Variants in ARSB observed in about 807,000 individuals in gnomAD.
ARSB encodes arylsulfatase B, also known as N-acetylgalactosamine-4-sulfatase.
Under a neutral mutation model 50.9 loss-of-function variants are expected in ARSB, and 41 were observed. That is an observed-to-expected ratio of 0.81 (90% CI 0.63 to 1.04). The LOEUF is 1.04. ARSB is among the 50% of genes least tolerant of loss of function. The pLI is 0.00. For synonymous variants in ARSB, 269 were observed against 284.8 expected, an observed-to-expected ratio of 0.94 and a Z score of 0.56; for missense variants, 672 against 693.3, an observed-to-expected ratio of 0.97 and a Z score of 0.35.
At chr5:78,830,092 T>C (rs1002976315) in intron 6 of ARSB, among the ~76,000 whole-genome samples, 27 of 152,250 alleles carry the variant, frequency 1.8e-4, no homozygotes, top group African/African-American at 5.8e-4. Context: ...AAAATCAGCA[T>C]AGAACCTTTA....
At chr5:78,891,279 A>G (rs1748279476) in intron 4 of ARSB, among the ~76,000 whole-genome samples, 1 of 152,166 alleles carries the variant, frequency 6.6e-6, no homozygotes, top group Non-Finnish European at 1.5e-5. Context: ...TGCTTAAACT[A>G]TAGGAGCTGG....
At chr5:78,930,006 G>A (rs568807784) in intron 4 of ARSB, among the ~76,000 whole-genome samples, 1 of 152,124 alleles carries the variant, frequency 6.6e-6, no homozygotes, top group East Asian at 1.9e-4. Context: ...GACACCAACC[G>A]GTCAGGCCAC....
intron 4 of ARSB, among the ~76,000 whole-genome samples, chr5:78,911,575 A>G (rs1198524787): frequency 7.8e-5 from 1 of 12,876 alleles, no homozygotes; most frequent in African/African-American, 1.6e-4. Flanking sequence ...CTCCCTCTAA[A>G]AAAAAAAAAA....
chr5:78,822,858 G>A (rs1400705287), intron 6 of ARSB, among the ~76,000 whole-genome samples: 1 of 152,090 alleles, frequency 6.6e-6, no homozygotes, highest in African/African-American at 2.4e-5. Flanking sequence ...GGATGGTCTC[G>A]ATCTCTTGAC....
At chr5:78,823,723 A>C (rs1303820997) in intron 6 of ARSB, among the ~76,000 whole-genome samples, 2 of 152,226 alleles carry the variant, frequency 1.3e-5, no homozygotes, top group Non-Finnish European at 1.5e-5. Context: ...TGAGCTCTAA[A>C]ATCTTCATGT....
At chr5:78,782,701 A>G (rs1001677773) in intron 6 of ARSB, among the ~76,000 whole-genome samples, 3 of 152,262 alleles carry the variant, frequency 2.0e-5, no homozygotes, top group East Asian at 3.8e-4. Flanking sequence ...CAGATGGAAC[A>G]AAAAATACTG....
intron 4 of ARSB, among the ~76,000 whole-genome samples, chr5:78,900,994 C>T (rs554831632): frequency 8.3e-5 from 12 of 144,226 alleles, no homozygotes; most frequent in Admixed American, 4.4e-4. Context: ...TGCAGTGAGC[C>T]GAGATCGCGC....
intron 6 of ARSB, among the ~76,000 whole-genome samples, chr5:78,829,525 T>C (rs990702022): frequency 6.6e-6 from 1 of 152,224 alleles, no homozygotes; most frequent in African/African-American, 2.4e-5. Flanking sequence ...TATGTTTTCC[T>C]CTGATTCAAA....
At chr5:78,784,490 C>T (rs56298137) in intron 6 of ARSB, among the ~76,000 whole-genome samples, 38,885 of 152,022 alleles carry the variant, frequency 0.26, 6,899 homozygotes, top group African/African-American at 0.5. Flanking sequence ...TATTCATCCA[C>T]AAAAAAGAGT....
At chr5:78,871,069 C>T (rs920455139) in intron 5 of ARSB, among the ~76,000 whole-genome samples, 43 of 149,230 alleles carry the variant, frequency 2.9e-4, no homozygotes, top group Admixed American at 2.2e-3. Context: ...TTCACAATTG[C>T]TTCAAAGAGA....
At chr5:78,909,901 G>C (rs948377189) in intron 4 of ARSB, among the ~76,000 whole-genome samples, 1 of 152,194 alleles carries the variant, frequency 6.6e-6, no homozygotes, top group Non-Finnish European at 1.5e-5. Context: ...TATAAAACCC[G>C]ATTGTACATT....
At chr5:78,955,575 G>T in intron 3 of ARSB, 73 bp from the exon 4 acceptor site, 1 of 1,224,900 alleles carries the variant, frequency 8.2e-7, no homozygotes, top group Non-Finnish European at 1.2e-6. Context: ...AGACAGTTCA[G>T]ATTTATGCAT....
intron 4 of ARSB, among the ~76,000 whole-genome samples, chr5:78,947,113 T>C (rs1291169224): frequency 1.3e-5 from 2 of 152,166 alleles, no homozygotes; most frequent in Non-Finnish European, 2.9e-5. Context: ...TCTCTCACCA[T>C]ATAGAAAAAT....
chr5:78,891,718 A>C (rs1000459908), intron 4 of ARSB, among the ~76,000 whole-genome samples: 11 of 152,318 alleles, frequency 7.2e-5, no homozygotes, highest in African/African-American at 2.4e-4. Flanking sequence ...GCAATCGCAC[A>C]TTAGAGACTA....
chr5:78,823,822 C>G (rs1489604528), intron 6 of ARSB, among the ~76,000 whole-genome samples: 1 of 152,126 alleles, frequency 6.6e-6, no homozygotes, highest in Non-Finnish European at 1.5e-5. Flanking sequence ...TTTGGATAAT[C>G]TGAAAGATAA....
intron 5 of ARSB, among the ~76,000 whole-genome samples, chr5:78,873,040 A>C (rs1289604074): frequency 6.6e-6 from 1 of 152,178 alleles, no homozygotes; most frequent in East Asian, 1.9e-4. Context: ...AGTTAAAAAA[A>C]ATAGAAAATG....
intron 5 of ARSB, among the ~76,000 whole-genome samples, chr5:78,861,330 T>C (rs1229608477): frequency 1.3e-5 from 2 of 152,134 alleles, no homozygotes; most frequent in African/African-American, 4.8e-5. Context: ...TTTAGACCAA[T>C]ATCCCTGATG....
chr5:78,980,755 T>C (rs1443172928), intron 1 of ARSB, among the ~76,000 whole-genome samples: 2 of 151,904 alleles, frequency 1.3e-5, no homozygotes, highest in African/African-American at 4.8e-5. Flanking sequence ...TGTGTGTGTG[T>C]TTTGGTAGAT....
intron 4 of ARSB, among the ~76,000 whole-genome samples, chr5:78,927,703 C>T (rs1750117384): frequency 6.6e-6 from 1 of 152,156 alleles, no homozygotes; most frequent in Non-Finnish European, 1.5e-5. Context: ...TATGCAGCTT[C>T]CTCAAAGCTG....
Sources: gnomAD v4.1 joint callset for allele counts (sites outside exome capture counted in the v4.1 genomes callset) on GRCh38, gnomAD v4.1.1 for gene constraint, MANE v1.5 for transcripts, NCBI Gene and HGNC (gene_info 2026-07-23, HGNC 2026-07-21) for gene names.